The following NDRG4 variants were observed in gnomAD, a reference collection of about 807,000 sequenced individuals.
The protein encoded by NDRG4 is protein NDRG4.
A neutral mutation model predicts 55.8 loss-of-function variants in NDRG4; 38 were observed. That is an observed-to-expected ratio of 0.68 (90% confidence interval 0.53 to 0.89). The LOEUF (loss-of-function observed/expected upper bound fraction) is 0.89, where lower values mean the gene tolerates loss of function less well. NDRG4 is among the 40% of genes least tolerant of loss of function. NDRG4 has a pLI of 0.00. For missense variants in NDRG4, 455 were observed against 468.6 expected (o/e 0.97, Z 0.27); for synonymous variants, 190 against 182.7 (o/e 1.04, Z -0.32).
At chr16:58,483,939 A>C (rs2151654405) in intron 1 of NDRG4, among the ~76,000 whole-genome samples, 1 of 152,204 alleles carries the variant, frequency 6.6e-6, no homozygotes. Context: ...CTCTGGTGGC[A>C]CACACCTGTG....
At chr16:58,509,680 C>T (rs1052471725) in intron 13 of NDRG4, among the ~76,000 whole-genome samples, 4 of 152,162 alleles carry the variant, frequency 2.6e-5, no homozygotes, top group African/African-American at 9.7e-5. Context: ...CGTGTCCTGC[C>T]AGGGAAGCCT....
chr16:58,485,027 A>G (rs2034928220), intron 1 of NDRG4, among the ~76,000 whole-genome samples: 1 of 151,604 alleles, frequency 6.6e-6, no homozygotes, highest in South Asian at 2.1e-4. Context: ...GACTACAGGC[A>G]CCCACCACCA....
At chr16:58,484,244 G>T (rs890643189) in intron 1 of NDRG4, among the ~76,000 whole-genome samples, 6 of 151,882 alleles carry the variant, frequency 4.0e-5, no homozygotes, top group Non-Finnish European at 7.4e-5. Context: ...GTGGTGGCAG[G>T]TGCCTGTAAT....
Position 58,507,850 on chromosome 16 carries a change from T to C in NDRG4, c.663T>C (p.Asn221=). 1 of 1,614,002 alleles carries C rather than the reference T, an allele frequency of 6.2e-7. No homozygotes were observed. The highest frequency in any genetic ancestry group is 8.5e-7 in the Non-Finnish European group (1 of 1,180,000). Residue 221 remains asparagine, a synonymous_variant, in exon 9 of 15, where the codon AAT becomes AAC. Coordinates refer to ENST00000570248, the MANE Select transcript of NDRG4 (RefSeq NM_001242835.2). ...LDINRPGTVP[N]AKTLRCPVML... is the part of the protein sequence containing the mutation. Reference sequence around the variant, plus strand: ...TTAACCGGCCTGGAACGGTGCCCAATGCCAAGACGCTCCGGTGAGTGGCCC... The same window carrying C: ...TTAACCGGCCTGGAACGGTGCCCAACGCCAAGACGCTCCGGTGAGTGGCCC...
chr16:58,479,115 G>A lies in NDRG4; in HGVS notation c.-23-8641G>A, dbSNP rs944284280. 4.0e-5 allele frequency among the ~76,000 whole-genome samples: 6 copies of A among 151,874 alleles called. No homozygotes were observed. In the East Asian group the frequency reaches 5.8e-4, roughly 15 times the overall value. On this transcript the variant is annotated intron_variant, in intron 1 of 15. Transcript: ENST00000258187. ...GTGATCTCGGCTCACTGCAATCTTC[G>A]CCTCCCAAGTTCAAGCAACTCTCCT...
chr16:58,511,673 G>GT lies in NDRG4; in HGVS notation c.*97_*98insT. ...TAGTTTATTTTTGTGAGGGCAAAGG[G>GT]GAGGAAATGGGGTTCTGTTTGAAAA... On this transcript the variant is annotated 3_prime_UTR_variant, in exon 15 of 15. Coordinates refer to ENST00000570248, the MANE Select transcript of NDRG4 (RefSeq NM_001242835.2). The GT allele has an allele frequency of 1.4e-6, 2 of 1,441,482 alleles. No homozygotes were observed. The highest frequency in any genetic ancestry group is 4.6e-5 in the East Asian group (2 of 43,850). The allele number at this position is 1,441,482 out of a possible 1,614,324, so 89.3% of individuals were successfully genotyped here. A position where few individuals can be genotyped will look rare whatever the true frequency, so the allele number is the denominator to read the frequency against.
intron 5 of NDRG4, chr16:58,506,150 G>T: frequency 1.6e-6 from 1 of 628,390 alleles, no homozygotes; most frequent in South Asian, 1.6e-5. Context: ...GTGTGTGTGT[G>T]TGTGTGTCTG....
At position 58,500,171 on chromosome 16, in the gene NDRG4, G is replaced by GC. The variant is rs1567331321; in HGVS notation, c.-73dup. 7 of 1,535,778 alleles carry GC rather than the reference G, an allele frequency of 4.6e-6. No individual in the cohort carries two copies. In the African/African-American group the frequency reaches 6.8e-5, roughly 15 times the overall value. On this transcript the variant is annotated 5_prime_UTR_variant, in exon 1 of 15. Coordinates refer to ENST00000570248, the MANE Select transcript of NDRG4 (RefSeq NM_001242835.2). ...GAGCCGACCATCTCCCACTCGAGCT[G>GC]CCCCCGCCCTCTGGACCCGAGTGAC...
intron 1 of NDRG4, among the ~76,000 whole-genome samples, chr16:58,474,539 C>T (rs1440600581): frequency 6.6e-6 from 1 of 152,126 alleles, no homozygotes; most frequent in Non-Finnish European, 1.5e-5. Flanking sequence ...TTTCACATCC[C>T]TCTCTCTCCC....
chr16:58,487,892 G>GCCA, intron 2 of NDRG4: 1 of 1,433,768 alleles, frequency 7.0e-7, no homozygotes, highest in East Asian at 2.7e-5. Flanking sequence ...GGCCGAGCGC[G>GCCA]CCACCTCGTG....
intron 5 of NDRG4, among the ~76,000 whole-genome samples, chr16:58,505,185 T>C (rs2037717734): frequency 6.6e-6 from 1 of 151,812 alleles, no homozygotes; most frequent in Admixed American, 6.6e-5. Context: ...CAGTCTCTAC[T>C]AAAAATACAA....
In NDRG4 at chr16:58,510,724, C is replaced by A. The variant is rs763742762; in HGVS notation, c.904+41C>A. ...TTCCCCTGATGCATGGACGCCCAGCCTCCTCCTCCCCCGCTCCTTCCTCTG... is the reference window on the plus strand; with the variant it reads ...TTCCCCTGATGCATGGACGCCCAGCATCCTCCTCCCCCGCTCCTTCCTCTG... On this transcript the variant is annotated intron_variant, in intron 14 of 14. Transcript: ENST00000570248. The A allele has an allele frequency of 1.1e-4, 165 of 1,522,196 alleles. No individual in the cohort carries two copies. In the East Asian group the frequency reaches 3.9e-3, roughly 36 times the overall value. The allele number at this position is 1,522,196 out of a possible 1,614,324, so 94.3% of individuals were successfully genotyped here.
rs368350293 is a variant in NDRG4 at position 58,511,499 on chromosome 16, C to T, written c.982C>T (p.Arg328Cys). The T allele has an allele frequency of 1.2e-5, 19 of 1,612,786 alleles. No homozygotes were observed. Among genetic ancestry groups the T allele is most frequent in the South Asian group, 3.3e-5 (3 of 91,072 alleles). Residue 328 changes from arginine to cysteine, a missense_variant, in exon 15 of 15, where the codon CGC becomes TGC. Coordinates refer to ENST00000570248, the MANE Select transcript of NDRG4 (RefSeq NM_001242835.2). ...CAGTGCCAGCTCGGTGGATGGCAGCCGCCCACAGGCCTGCACCCACTCAGA... is the reference window on the plus strand; with the variant it reads ...CAGTGCCAGCTCGGTGGATGGCAGCTGCCCACAGGCCTGCACCCACTCAGA... The part of the protein sequence containing the change: ...LTSASSVDGS[R>C]PQACTHSESS...
intron 1 of NDRG4, among the ~76,000 whole-genome samples, chr16:58,474,011 ACTTTT>A (rs1283096785): frequency 9.7e-5 from 11 of 113,282 alleles, no homozygotes; most frequent in African/African-American, 3.7e-4. Context: ...TGGTTTTTTC[ACTTTT>A]CTTTTCTTTC....
intron 1 of NDRG4, among the ~76,000 whole-genome samples, chr16:58,474,899 T>G (rs1187275042): frequency 6.6e-6 from 1 of 152,244 alleles, no homozygotes; most frequent in Non-Finnish European, 1.5e-5. Context: ...TAGCCCCTTC[T>G]GCAGACATTG....
At chr16:58,501,136 C>T in intron 1 of NDRG4, 1 of 1,141,606 alleles carries the variant, frequency 8.8e-7, no homozygotes, top group Non-Finnish European at 1.1e-6. Flanking sequence ...ACCCCCACCC[C>T]CGGGCCCCAC....
rs759424554 is a variant in NDRG4, at chr16:58,509,312, G to A, written c.825G>A (p.Leu275=). ...CCTGCCCTCCGCAGCCAGGGAAGCT[G>A]ACTGAAGCCTTCAAATACTTCCTGC... is the stretch of plus-strand genomic sequence containing the variant. ...GLPQVTQPGK[L]TEAFKYFLQG... Residue 275 remains leucine, a synonymous_variant, in exon 13 of 15, where the codon CTG becomes CTA. Transcript: ENST00000570248. 2 of 1,614,040 alleles carry A rather than the reference G, an allele frequency of 1.2e-6. No homozygotes were observed. Among genetic ancestry groups the A allele is most frequent in the Non-Finnish European group, 1.7e-6 (2 of 1,179,986 alleles).
Position 58,500,187 on chromosome 16 carries a change from C to T in NDRG4, c.-62C>T. The T allele has an allele frequency of 6.5e-7, 1 of 1,535,984 alleles. No individual in the cohort carries two copies. The highest frequency in any genetic ancestry group is 8.7e-7 in the Non-Finnish European group (1 of 1,146,830). The stretch of plus-strand genomic sequence containing the variant: ...ACTCGAGCTGCCCCCGCCCTCTGGA[C>T]CCGAGTGACTCAGGCCTTTGTTTGT... On this transcript the variant is annotated 5_prime_UTR_variant, in exon 1 of 15. Coordinates refer to ENST00000570248, the MANE Select transcript of NDRG4 (RefSeq NM_001242835.2).
At chr16:58,511,381 C>T in intron 14 of NDRG4, 41 bp from the exon 15 acceptor site, 1 of 1,551,742 alleles carries the variant, frequency 6.4e-7, no homozygotes, top group South Asian at 1.2e-5. Context: ...GCACCTGGCC[C>T]TGCCCGCCAG....
Sources: allele counts gnomAD v4.1 joint callset (sites outside exome capture counted in the v4.1 genomes callset), GRCh38; gene constraint gnomAD v4.1.1; transcripts MANE v1.5; gene names NCBI Gene and HGNC (gene_info 2026-07-23, HGNC 2026-07-21).